CLIC6: variants seen among roughly 807,000 people sequenced by gnomAD.
CLIC6 encodes the protein CLIC family member 6.
CLIC6 carries 39 observed loss-of-function variants against 49.2 expected under a neutral mutation model. The observed-to-expected ratio is 0.79, with a 90% CI of 0.61 to 1.04. The LOEUF (loss-of-function observed/expected upper bound fraction) is 1.04, where lower values mean the gene tolerates loss of function less well. Ranked by LOEUF, CLIC6 falls within the 50% of genes least tolerant of loss-of-function variation. The pLI, the probability that CLIC6 is intolerant of heterozygous loss-of-function variation, is 0.00. For missense variants in CLIC6, 988 were observed against 993.1 expected (o/e 0.99, Z 0.07); for synonymous variants, 446 against 433.4 (o/e 1.03, Z -0.36).
chr21:34,713,698 A>T (rs192459708), intron 5 of CLIC6, among the ~76,000 whole-genome samples: 1 of 152,208 alleles, frequency 6.6e-6, no homozygotes, highest in African/African-American at 2.4e-5. Flanking sequence ...AGAAAACGAG[A>T]GAATGTTCAA....
At position 34,716,455 on chromosome 21, in the gene CLIC6, T is replaced by C. The variant is rs562673242; in HGVS notation, c.2034T>C (p.Tyr678=). ...CPADQEIEHA[Y]SDVAKRMK Reference sequence around the variant, plus strand: ...CTGATCAAGAGATTGAACACGCATATTCAGATGTTGCAAAAAGAATGAAAT... The same window carrying C: ...CTGATCAAGAGATTGAACACGCATACTCAGATGTTGCAAAAAGAATGAAAT... The change falls in exon 6 of 6, where the codon TAT becomes TAC. Residue 678 remains tyrosine, a synonymous_variant. Coordinates refer to ENST00000349499, the MANE Select transcript of CLIC6 (RefSeq NM_053277.3). 6.2e-7 allele frequency: 1 copy of C among 1,611,936 alleles called. No individual in the cohort carries two copies. The highest frequency in any genetic ancestry group is 1.3e-5 in the African/African-American group (1 of 74,954).
At chr21:34,694,330 G>T (rs537435532) in intron 1 of CLIC6, among the ~76,000 whole-genome samples, 2 of 151,864 alleles carry the variant, frequency 1.3e-5, no homozygotes, top group Admixed American at 6.6e-5. Context: ...ACAGGGTCTC[G>T]CTCTGTTGCC....
chr21:34,711,294 G>A (rs887312952), intron 5 of CLIC6, among the ~76,000 whole-genome samples: 1 of 152,172 alleles, frequency 6.6e-6, no homozygotes, highest in African/African-American at 2.4e-5. Flanking sequence ...CACTTTGGGA[G>A]GCCAAGATGG....
chr21:34,683,876 G>A (rs1413026617), intron 1 of CLIC6, among the ~76,000 whole-genome samples: 3 of 152,194 alleles, frequency 2.0e-5, no homozygotes, highest in African/African-American at 7.2e-5. Context: ...TAGTGTGAAA[G>A]TGGACTAATA....
chr21:34,706,099 A>G, intron 1 of CLIC6: 1 of 676,718 alleles, frequency 1.5e-6, no homozygotes, highest in Non-Finnish European at 2.7e-6. Flanking sequence ...TTTATAAAGA[A>G]AAGAGGCTGA....
chr21:34,703,532 T>C (rs1247514273), intron 1 of CLIC6, among the ~76,000 whole-genome samples: 1 of 152,126 alleles, frequency 6.6e-6, no homozygotes, highest in Non-Finnish European at 1.5e-5. Flanking sequence ...GGTGGTGCCC[T>C]GTACATGTAA....
rs773237192 is a variant in CLIC6 at position 34,716,863 on chromosome 21, C to CTCTCTCTCTCTCT, written c.*381_*382insTCTCTCTCTCTCT. 1 of 17,028 alleles carries CTCTCTCTCTCTCT rather than the reference C, an allele frequency of 5.9e-5. No homozygotes were observed. Among genetic ancestry groups the CTCTCTCTCTCTCT allele is most frequent in the African/African-American group, 4.6e-4 (1 of 2,176 alleles). 1.1% of individuals were successfully genotyped at this position (17,028 alleles called of 1,614,324 possible). On this transcript the variant is annotated 3_prime_UTR_variant, in exon 6 of 6. Transcript: ENST00000349499. ...TCTCTCTCTCTCTCTCTCTCTCTATCACACACACACACACACACACACACA... is the reference window on the plus strand; with the variant it reads ...TCTCTCTCTCTCTCTCTCTCTCTATCTCTCTCTCTCTCTACACACACACACACACACACACACA...
chr21:34,713,812 A>C (rs1438098583), intron 5 of CLIC6, among the ~76,000 whole-genome samples: 1 of 152,220 alleles, frequency 6.6e-6, no homozygotes, highest in Admixed American at 6.5e-5. Flanking sequence ...GACATACTTG[A>C]TACATTACTG....
intron 1 of CLIC6, among the ~76,000 whole-genome samples, chr21:34,675,504 T>C (rs930580618): frequency 1.3e-5 from 2 of 150,856 alleles, no homozygotes; most frequent in Admixed American, 1.3e-4. Context: ...TCTGAGACTT[T>C]AATTCTCCCC....
chr21:34,675,036 A>C (rs536458083), intron 1 of CLIC6, among the ~76,000 whole-genome samples: 2 of 152,244 alleles, frequency 1.3e-5, no homozygotes, highest in East Asian at 3.9e-4. Flanking sequence ...AAAAAACTTC[A>C]GTGTTGACCA....
chr21:34,713,500 C>T (rs1310900188), intron 5 of CLIC6, among the ~76,000 whole-genome samples: 1 of 152,112 alleles, frequency 6.6e-6, no homozygotes, highest in African/African-American at 2.4e-5. Flanking sequence ...TCGCACACAT[C>T]TTATAGAGTT....
chr21:34,697,117 T>G (rs1034159039), intron 1 of CLIC6, among the ~76,000 whole-genome samples: 13 of 152,130 alleles, frequency 8.5e-5, no homozygotes, highest in African/African-American at 3.1e-4. Context: ...GATTTAGAGA[T>G]TCAGAAATGA....
intron 1 of CLIC6, among the ~76,000 whole-genome samples, chr21:34,683,974 A>G (rs1412461590): frequency 6.6e-6 from 1 of 152,170 alleles, no homozygotes; most frequent in Admixed American, 6.5e-5. Flanking sequence ...CTCTGTTGAC[A>G]TATTCCAGAT....
intron 1 of CLIC6, among the ~76,000 whole-genome samples, chr21:34,688,881 G>A (rs1989934051): frequency 6.6e-6 from 1 of 152,178 alleles, no homozygotes; most frequent in Non-Finnish European, 1.5e-5. Flanking sequence ...AAAGAAGCCT[G>A]CTTGTATTCT....
At position 34,670,898 on chromosome 21, in the gene CLIC6, C is replaced by T. The variant is rs1440692123; in HGVS notation, c.1374+136C>T. 193 of 1,026,276 alleles carry T rather than the reference C, an allele frequency of 1.9e-4. 1 individual carries two copies. In the East Asian group the frequency reaches 5.8e-3, roughly 31 times the overall value. The allele number at this position is 1,026,276 out of a possible 1,614,324, so 63.6% of individuals were successfully genotyped here. A position where few individuals can be genotyped will look rare whatever the true frequency, so the allele number is the denominator to read the frequency against. ...GTCATCAGGCGCTTCCATGCGCGGG[C>T]GGTAGGCGGGACAGCCGGGATTTCC... is the stretch of plus-strand genomic sequence containing the variant. On this transcript the variant is annotated intron_variant, in intron 1 of 5. Transcript: ENST00000349499.
At chr21:34,713,273 C>T (rs1047907594) in intron 5 of CLIC6, among the ~76,000 whole-genome samples, 3 of 152,106 alleles carry the variant, frequency 2.0e-5, no homozygotes, top group Admixed American at 6.5e-5. Flanking sequence ...TTTCTACAGC[C>T]TCAAAGAAAT....
intron 1 of CLIC6, among the ~76,000 whole-genome samples, chr21:34,675,652 A>G (rs1272418390): frequency 6.6e-6 from 1 of 152,154 alleles, no homozygotes; most frequent in Non-Finnish European, 1.5e-5. Context: ...TTGCATACAA[A>G]CAGGTGCAGG....
intron 1 of CLIC6, among the ~76,000 whole-genome samples, chr21:34,704,364 C>T (rs755765626): frequency 3.3e-5 from 5 of 152,162 alleles, no homozygotes; most frequent in African/African-American, 7.2e-5. Context: ...ACCATGTTCC[C>T]GTAACCCCCT....
chr21:34,672,853 G>T (rs1391903934), intron 1 of CLIC6, among the ~76,000 whole-genome samples: 1 of 152,158 alleles, frequency 6.6e-6, no homozygotes. Context: ...AGCCCTTGAG[G>T]TTACCGTGAG....
Sources: gnomAD v4.1 joint callset for allele counts (sites outside exome capture counted in the v4.1 genomes callset) on GRCh38, gnomAD v4.1.1 for gene constraint, MANE v1.5 for transcripts, NCBI Gene and HGNC (gene_info 2026-07-23, HGNC 2026-07-21) for gene names.